C1orf185: variants seen among roughly 807,000 people sequenced by gnomAD.
The protein encoded by C1orf185 is chromosome 1 open reading frame 185, also known as uncharacterized protein C1orf185.
C1orf185 carries 13 observed loss-of-function variants against 16.1 expected under a neutral mutation model. The ratio of observed to expected loss-of-function variants is 0.81; its 90% CI spans 0.53 to 1.28. The LOEUF is 1.28. Ranked by LOEUF, C1orf185 falls within the 50% of genes most tolerant of loss-of-function variation. C1orf185 has a pLI of 0.00. For synonymous variants in C1orf185, 80 were observed against 76.9 expected, an observed-to-expected ratio of 1.04 and a Z score of -0.21; for missense variants, 220 against 225.2, an observed-to-expected ratio of 0.98 and a Z score of 0.15.
At chr1:51,119,707 G>A (rs1226204699) in intron 3 of C1orf185, among the ~76,000 whole-genome samples, 4 of 152,176 alleles carry the variant, frequency 2.6e-5, no homozygotes, top group Non-Finnish European at 5.9e-5. Flanking sequence ...GGCTGAGGCA[G>A]GAGGATCCTT....
downstream of C1orf185, among the ~76,000 whole-genome samples, chr1:51,148,877 A>G (rs1646416843): frequency 1.3e-5 from 2 of 152,186 alleles, no homozygotes; most frequent in Admixed American, 1.3e-4. Context: ...CAATGAGTTG[A>G]GAATATGCCA....
At chr1:51,115,869 G>A (rs1194014467) in intron 2 of C1orf185, among the ~76,000 whole-genome samples, 3 of 152,242 alleles carry the variant, frequency 2.0e-5, no homozygotes, top group Non-Finnish European at 4.4e-5. Context: ...GGTTTTGCAG[G>A]TAGAGTCAGC....
At chr1:51,130,936 C>T (rs1646278543) in intron 3 of C1orf185, among the ~76,000 whole-genome samples, 1 of 152,040 alleles carries the variant, frequency 6.6e-6, no homozygotes, top group Admixed American at 6.6e-5. Flanking sequence ...GAGTTTCACT[C>T]TTGTCGCCCA....
chr1:51,117,753 T>C (rs1371504943), intron 2 of C1orf185, among the ~76,000 whole-genome samples: 2 of 152,200 alleles, frequency 1.3e-5, no homozygotes, highest in East Asian at 1.9e-4. Flanking sequence ...AAGTTGAGAA[T>C]GACTGTTTGA....
intron 3 of C1orf185, among the ~76,000 whole-genome samples, chr1:51,122,000 T>C (rs1459346388): frequency 6.6e-6 from 1 of 152,198 alleles, no homozygotes; most frequent in Non-Finnish European, 1.5e-5. Flanking sequence ...TATAGAATAA[T>C]ATATTATTAA....
intron 3 of C1orf185, among the ~76,000 whole-genome samples, chr1:51,140,374 G>A (rs1176979843): frequency 6.6e-6 from 1 of 152,020 alleles, no homozygotes; most frequent in Non-Finnish European, 1.5e-5. Context: ...TTTAGTAGAG[G>A]GAAAATATGC....
intron 3 of C1orf185, among the ~76,000 whole-genome samples, chr1:51,132,468 T>C (rs1417820074): frequency 6.6e-6 from 1 of 152,122 alleles, no homozygotes; most frequent in Non-Finnish European, 1.5e-5. Flanking sequence ...AATAGCAGAA[T>C]AGACTAAGCA....
intron 3 of C1orf185, among the ~76,000 whole-genome samples, chr1:51,137,598 G>C (rs1372204988): frequency 6.6e-6 from 1 of 152,134 alleles, no homozygotes; most frequent in Non-Finnish European, 1.5e-5. Context: ...CTTACACACT[G>C]TTATGGGAGT....
chr1:51,136,981 T>A (rs1646330166), intron 3 of C1orf185, among the ~76,000 whole-genome samples: 1 of 151,748 alleles, frequency 6.6e-6, no homozygotes, highest in Non-Finnish European at 1.5e-5. Flanking sequence ...AACCTACAAA[T>A]GGGAGAAAAT....
chr1:51,140,813 T>C (rs1646359272), intron 3 of C1orf185, among the ~76,000 whole-genome samples: 1 of 152,260 alleles, frequency 6.6e-6, no homozygotes, highest in Non-Finnish European at 1.5e-5. Flanking sequence ...CTGATATCTA[T>C]AGTGATATTC....
intron 1 of C1orf185, among the ~76,000 whole-genome samples, chr1:51,106,721 A>G (rs1646074715): frequency 1.3e-5 from 2 of 152,072 alleles, no homozygotes; most frequent in Non-Finnish European, 2.9e-5. Context: ...TCTCCTCATA[A>G]ATGAACATTT....
chr1:51,126,429 T>TA (rs919860279), intron 3 of C1orf185, among the ~76,000 whole-genome samples: 20 of 149,632 alleles, frequency 1.3e-4, no homozygotes, highest in South Asian at 8.5e-4. Context: ...ATGTCCACTT[T>TA]AAAAAAAAAA....
intron 3 of C1orf185, among the ~76,000 whole-genome samples, chr1:51,139,303 A>T (rs1020621151): frequency 1.3e-5 from 2 of 151,888 alleles, no homozygotes; most frequent in Non-Finnish European, 2.9e-5. Context: ...GGCTTTCACC[A>T]TGTTGGCCAA....
At chr1:51,130,314 C>A (rs898828595) in intron 3 of C1orf185, among the ~76,000 whole-genome samples, 7 of 151,888 alleles carry the variant, frequency 4.6e-5, no homozygotes, top group Non-Finnish European at 1.0e-4. Context: ...TTTTACATTT[C>A]CAACAGTAAT....
At position 51,102,244 on chromosome 1, in the gene C1orf185, C is replaced by T. The variant is rs1452205474; in HGVS notation, c.11C>T (p.Pro4Leu). The change falls in exon 1 of 5, where the codon CCT becomes CTT. Residue 4 changes from proline (P) to leucine (L), a missense_variant. By Grantham distance (98) the Pro-to-Leu change is moderately conservative (BLOSUM62 -3). Coordinates refer to ENST00000371759, the MANE Select transcript of C1orf185 (RefSeq NM_001136508.2). ...TTAGAACTCAGTCATATGGCTTCAC[C>T]TAAAGGTATGAGAAGCTGGGTCATG... is the stretch of plus-strand genomic sequence containing the variant. MASPKGFFNYLTYF... is the reference protein window; with the variant it reads MASLKGFFNYLTYF... 2.8e-6 allele frequency: 2 copies of T among 715,872 alleles called. No homozygotes were observed. Among genetic ancestry groups the T allele is most frequent in the African/African-American group, 1.7e-5 (1 of 57,212 alleles). 44.3% of individuals were successfully genotyped at this position (715,872 alleles called of 1,614,324 possible).
intron 1 of C1orf185, among the ~76,000 whole-genome samples, chr1:51,108,797 T>A (rs1646092200): frequency 6.6e-6 from 1 of 152,248 alleles, no homozygotes; most frequent in South Asian, 2.1e-4. Flanking sequence ...TATACCACAT[T>A]TTCTTTATTC....
intron 3 of C1orf185, among the ~76,000 whole-genome samples, chr1:51,126,405 A>G (rs1427156006): frequency 6.6e-6 from 1 of 152,020 alleles, no homozygotes; most frequent in Admixed American, 6.6e-5. Flanking sequence ...CTGGAACTAC[A>G]GGTACACACC....
chr1:51,102,641 T>C (rs1646040679), intron 1 of C1orf185, among the ~76,000 whole-genome samples: 1 of 152,140 alleles, frequency 6.6e-6, no homozygotes, highest in Non-Finnish European at 1.5e-5. Flanking sequence ...TATTTATTTA[T>C]GCCTTCTATT....
At chr1:51,126,346 C>G (rs1438103833) in intron 3 of C1orf185, among the ~76,000 whole-genome samples, 2 of 152,188 alleles carry the variant, frequency 1.3e-5, no homozygotes, top group East Asian at 3.9e-4. Flanking sequence ...TCACTGTAAC[C>G]TTGAACTCCT....
Sources: allele counts gnomAD v4.1 joint callset (sites outside exome capture counted in the v4.1 genomes callset), GRCh38; gene constraint gnomAD v4.1.1; transcripts MANE v1.5; gene names NCBI Gene and HGNC (gene_info 2026-07-23, HGNC 2026-07-21).